The following EPHA7 variants were observed in gnomAD, a reference collection of about 807,000 sequenced individuals.
The protein encoded by EPHA7 is ephrin type-A receptor 7.
A neutral mutation model predicts 112.6 loss-of-function variants in EPHA7; 25 were observed. The ratio of observed to expected loss-of-function variants is 0.22; its 90% CI spans 0.16 to 0.31. The LOEUF (loss-of-function observed/expected upper bound fraction) is 0.31, where lower values mean the gene tolerates loss of function less well. Ranked by LOEUF, EPHA7 falls within the 10% of genes least tolerant of loss-of-function variation. EPHA7 has a pLI of 1.00. For synonymous variants in EPHA7, 437 were observed against 406.5 expected (o/e 1.07, Z -0.90); for missense variants, 962 against 1,212.6 (o/e 0.79, Z 3.07).
chr6:93,304,227 C>T (rs1773140170), intron 5 of EPHA7, among the ~76,000 whole-genome samples: 1 of 150,976 alleles, frequency 6.6e-6, no homozygotes, highest in Non-Finnish European at 1.5e-5. Context: ...TTGTAGTATA[C>T]ACTGAGCAAG....
chr6:93,337,884 GC>G (rs1323686427), intron 5 of EPHA7, among the ~76,000 whole-genome samples: 1 of 152,068 alleles, frequency 6.6e-6, no homozygotes, highest in African/African-American at 2.4e-5. Flanking sequence ...ATTGTAGCAT[GC>G]TTTTTCCTCT....
At chr6:93,244,765 T>C (rs1769871403) in intron 16 of EPHA7, among the ~76,000 whole-genome samples, 1 of 152,210 alleles carries the variant, frequency 6.6e-6, no homozygotes, top group Non-Finnish European at 1.5e-5. Context: ...ATTAAGCTTC[T>C]TTTGATCTCT....
chr6:93,334,166 T>G (rs183250109), intron 5 of EPHA7, among the ~76,000 whole-genome samples: 1 of 152,034 alleles, frequency 6.6e-6, no homozygotes, highest in East Asian at 1.9e-4. Context: ...AATGAACTAT[T>G]TATTCAATAA....
In EPHA7 at chr6:93,302,979, C is replaced by T. The variant is rs938775368; in HGVS notation, c.1325-30557G>A. 3.3e-5 allele frequency among the ~76,000 whole-genome samples: 5 copies of T among 152,226 alleles called. No homozygotes were observed. The East Asian group carries it at 9.7e-4, about 29-fold the overall frequency. ...AGCTGATAAGGTAGCCTGGGAAACACTACCTGCAGGGGTAAAGACCTGCCA... is the reference window on the plus strand; with the variant it reads ...AGCTGATAAGGTAGCCTGGGAAACATTACCTGCAGGGGTAAAGACCTGCCA... On this transcript the variant is annotated intron_variant, in intron 5 of 16. Coordinates refer to ENST00000369303, the MANE Select transcript of EPHA7 (RefSeq NM_004440.4).
intron 5 of EPHA7, among the ~76,000 whole-genome samples, chr6:93,328,831 A>G (rs1774450574): frequency 6.6e-6 from 1 of 151,428 alleles, no homozygotes; most frequent in African/African-American, 2.4e-5. Flanking sequence ...TCTCCTTAAA[A>G]GACTACATGG....
chr6:93,397,278 C>A (rs1408691713), intron 3 of EPHA7, among the ~76,000 whole-genome samples: 1 of 151,620 alleles, frequency 6.6e-6, no homozygotes, highest in Non-Finnish European at 1.5e-5. Flanking sequence ...AAGAAAAGTT[C>A]CAATAATTTC....
At chr6:93,389,417 C>G (rs1238001893) in intron 3 of EPHA7, among the ~76,000 whole-genome samples, 1 of 152,012 alleles carries the variant, frequency 6.6e-6, no homozygotes, top group Non-Finnish European at 1.5e-5. Flanking sequence ...CACAGCTAAT[C>G]ACGTGGTGGG....
At chr6:93,279,667 T>TG (rs1771637746) in intron 5 of EPHA7, among the ~76,000 whole-genome samples, 1 of 152,194 alleles carries the variant, frequency 6.6e-6, no homozygotes, top group Non-Finnish European at 1.5e-5. Flanking sequence ...AAGTGCAGGC[T>TG]GGCTACTCAA....
chr6:93,418,435 A>G (rs1396709908), intron 1 of EPHA7, among the ~76,000 whole-genome samples: 1 of 152,196 alleles, frequency 6.6e-6, no homozygotes, highest in African/African-American at 2.4e-5. Context: ...TTGCTGCACT[A>G]TGGGGCAAAT....
At chr6:93,419,199 T>G in intron 1 of EPHA7, 46 bp downstream of exon 1, 1 of 1,529,026 alleles carries the variant, frequency 6.5e-7, no homozygotes. Flanking sequence ...CAGGTAGACA[T>G]CTAAATAAAT....
chr6:93,360,100 TA>T (rs1368890253), intron 3 of EPHA7, among the ~76,000 whole-genome samples: 1 of 152,132 alleles, frequency 6.6e-6, no homozygotes, highest in Non-Finnish European at 1.5e-5. Flanking sequence ...TTGTTTTCAA[TA>T]GCAATTATTG....
At chr6:93,283,749 C>T (rs1771902505) in intron 5 of EPHA7, among the ~76,000 whole-genome samples, 1 of 152,122 alleles carries the variant, frequency 6.6e-6, no homozygotes, top group Admixed American at 6.5e-5. Context: ...TAACACTCAC[C>T]ACGAGGGTCC....
intron 5 of EPHA7, among the ~76,000 whole-genome samples, chr6:93,287,823 T>G (rs1331518474): frequency 3.9e-5 from 6 of 152,098 alleles, no homozygotes; most frequent in Non-Finnish European, 7.4e-5. Context: ...CAAGGCCATA[T>G]GAAAAGATGT....
chr6:93,370,768 A>G (rs1044309363), intron 3 of EPHA7, among the ~76,000 whole-genome samples: 2 of 152,300 alleles, frequency 1.3e-5, no homozygotes, highest in South Asian at 4.1e-4. Flanking sequence ...AAACTTATTT[A>G]TATGTACATA....
intron 5 of EPHA7, among the ~76,000 whole-genome samples, chr6:93,327,574 T>G (rs1302765170): frequency 6.6e-6 from 1 of 151,540 alleles, no homozygotes; most frequent in Non-Finnish European, 1.5e-5. Context: ...CAAATTTTTC[T>G]GTCTAGAGTT....
At chr6:93,279,538 G>C (rs116015143) in intron 5 of EPHA7, among the ~76,000 whole-genome samples, 1,982 of 152,224 alleles carry the variant, frequency 0.013, 45 homozygotes, top group African/African-American at 0.045. Flanking sequence ...AAGTTACATG[G>C]ACTGAATAGG....
chr6:93,344,315 C>T (rs191602767), intron 5 of EPHA7, among the ~76,000 whole-genome samples: 17 of 151,366 alleles, frequency 1.1e-4, no homozygotes, highest in Admixed American at 9.3e-4. Context: ...AGGTTCTCAA[C>T]AATGAAATTT....
intron 3 of EPHA7, among the ~76,000 whole-genome samples, chr6:93,405,590 T>G (rs1327295376): frequency 6.6e-6 from 1 of 151,498 alleles, no homozygotes. Flanking sequence ...GATTTGTACA[T>G]ACATTACTTC....
At chr6:93,280,831 T>C (rs1173161971) in intron 5 of EPHA7, among the ~76,000 whole-genome samples, 1 of 152,158 alleles carries the variant, frequency 6.6e-6, no homozygotes, top group Non-Finnish European at 1.5e-5. Flanking sequence ...AAAAGTATTA[T>C]TATTCTATTA....
Sources: gnomAD v4.1 joint callset for allele counts (sites outside exome capture counted in the v4.1 genomes callset) on GRCh38, gnomAD v4.1.1 for gene constraint, MANE v1.5 for transcripts, NCBI Gene and HGNC (gene_info 2026-07-23, HGNC 2026-07-21) for gene names.